Variants in ADGRD1 observed in about 807,000 individuals in gnomAD.
ADGRD1 encodes G-protein coupled receptor 133.
A neutral mutation model predicts 113.4 loss-of-function variants in ADGRD1; 77 were observed. That is an observed-to-expected ratio of 0.68 (90% CI 0.57 to 0.82). The LOEUF (loss-of-function observed/expected upper bound fraction) is 0.82. ADGRD1 is among the 40% of genes least tolerant of loss of function. The probability of loss-of-function intolerance (pLI) is 0.00; values close to 1 mark genes in which losing one functional copy is unlikely to be tolerated. For synonymous variants in ADGRD1, 474 were observed against 475.0 expected, an observed-to-expected ratio of 1.00 and a Z score of 0.03; for missense variants, 1,036 against 1,139.1, an observed-to-expected ratio of 0.91 and a Z score of 1.30.
intron 13 of ADGRD1, among the ~76,000 whole-genome samples, chr12:131,059,168 A>G (rs1566073088): frequency 1.3e-5 from 2 of 151,860 alleles, no homozygotes; most frequent in East Asian, 1.9e-4. Flanking sequence ...TGAGCCATCC[A>G]TTGAGGTGTT....
At chr12:131,005,948 C>A (rs1313760571) in intron 11 of ADGRD1, 24 bp from the exon 12 acceptor site, 3 of 1,600,140 alleles carry the variant, frequency 1.9e-6, no homozygotes, top group African/African-American at 2.7e-5. Context: ...GCTGACAGCG[C>A]CTGCCCCTCT....
At chr12:131,030,749 G>A (rs1034861209) in intron 13 of ADGRD1, 4 of 152,294 alleles carry the variant, frequency 2.6e-5, no homozygotes, top group African/African-American at 4.8e-5. Flanking sequence ...AGTGTGGCGC[G>A]TGACACCTCA....
chr12:130,987,065 CTCAG>C, intron 5 of ADGRD1, 26 bp from the exon 6 acceptor site: 1 of 1,609,112 alleles, frequency 6.2e-7, no homozygotes, highest in Non-Finnish European at 8.5e-7. Context: ...TCCCACAGTA[CTCAG>C]AATGGCGATC....
At chr12:131,094,294 G>A (rs1887128424) in intron 15 of ADGRD1, among the ~76,000 whole-genome samples, 1 of 152,174 alleles carries the variant, frequency 6.6e-6, no homozygotes, top group African/African-American at 2.4e-5. Flanking sequence ...GGGTGGGGTG[G>A]AGCAGGCCTG....
chr12:130,966,108 A>G lies in ADGRD1; in HGVS notation c.104-355A>G, dbSNP rs1195969070. ...TGATTGCATTGATATTAACTCTAAA[A>G]TAATGGTAAATAACAGCGGGATATG... On this transcript the variant is annotated intron_variant, in intron 2 of 24. Coordinates refer to ENST00000261654, the MANE Select transcript of ADGRD1 (RefSeq NM_198827.5). The surrounding 1 kb of genome is among the most constrained non-coding windows in gnomAD (Gnocchi z 4.6). 6.6e-6 allele frequency among the ~76,000 whole-genome samples: 1 copy of G among 152,216 alleles called. No individual in the cohort carries two copies. The highest frequency in any genetic ancestry group is 1.5e-5 in the Non-Finnish European group (1 of 68,042).
chr12:131,066,892 GC>G (rs1884762739), intron 13 of ADGRD1, among the ~76,000 whole-genome samples: 1 of 152,194 alleles, frequency 6.6e-6, no homozygotes, highest in South Asian at 2.1e-4. Flanking sequence ...ATCTTTCCGG[GC>G]CCGGGGGCAA....
intron 21 of ADGRD1, among the ~76,000 whole-genome samples, chr12:131,134,789 G>T (rs1951033719): frequency 6.6e-6 from 1 of 152,070 alleles, no homozygotes; most frequent in Admixed American, 6.5e-5. Context: ...CCGTCCACTT[G>T]TTCATCATTC....
rs768437407 is a variant in ADGRD1 at position 131,004,181 on chromosome 12, C to A, written c.1145-5C>A. 6.3e-7 allele frequency: 1 copy of A among 1,594,916 alleles called. No individual in the cohort carries two copies. Among genetic ancestry groups the A allele is most frequent in the East Asian group, 2.2e-5 (1 of 44,762 alleles). Reference sequence around the variant, plus strand: ...ACTTCCGCTCTCTCGCTCCTTCCACCGCAGAGTTTTCCGTGGCCAAAATCC... The same window carrying A: ...ACTTCCGCTCTCTCGCTCCTTCCACAGCAGAGTTTTCCGTGGCCAAAATCC... On this transcript the variant is annotated splice_region_variant and splice_polypyrimidine_tract_variant and intron_variant, in intron 10 of 24. Coordinates refer to ENST00000261654, the MANE Select transcript of ADGRD1 (RefSeq NM_198827.5).
Position 131,003,249 on chromosome 12 carries a change from A to G in ADGRD1, c.1091A>G (p.Asn364Ser), listed in dbSNP as rs146050435. 243 of 1,614,124 alleles carry G rather than the reference A, an allele frequency of 1.5e-4. No homozygotes were observed. The highest frequency in any genetic ancestry group is 1.9e-4 in the Non-Finnish European group (228 of 1,180,016). ...IDTVMGHVSS[N>S]LHGSTPQVTV... Reference sequence around the variant, plus strand: ...ACCGTCATGGGCCATGTATCCTCCAACCTGCACGGCAGCACGCCCCAGGTC... The same window carrying G: ...ACCGTCATGGGCCATGTATCCTCCAGCCTGCACGGCAGCACGCCCCAGGTC... Residue 364 changes from asparagine to serine, a missense_variant, in exon 10 of 25, where the codon AAC becomes AGC. Physicochemically the swap from Asn to Ser is conservative, Grantham distance 46 (BLOSUM62 1). Coordinates refer to ENST00000261654, the MANE Select transcript of ADGRD1 (RefSeq NM_198827.5). The surrounding 1 kb of genome is among the most constrained non-coding windows in gnomAD (Gnocchi z 4.8).
intron 13 of ADGRD1, among the ~76,000 whole-genome samples, chr12:131,043,197 G>A (rs770795621): frequency 6.6e-6 from 1 of 152,206 alleles, no homozygotes; most frequent in Non-Finnish European, 1.5e-5. Flanking sequence ...TGAGCATGCC[G>A]TGCATTTTCT....
intron 6 of ADGRD1, chr12:130,988,531 AAACCC>A (rs1873973543): frequency 6.6e-6 from 1 of 152,220 alleles, no homozygotes; most frequent in Admixed American, 6.5e-5. Context: ...GCATGACAGA[AAACCC>A]AATTCAAGAT....
intron 4 of ADGRD1, among the ~76,000 whole-genome samples, chr12:130,975,433 A>G (rs1007870829): frequency 6.6e-6 from 1 of 152,188 alleles, no homozygotes; most frequent in African/African-American, 2.4e-5. Context: ...ATCTCCATCC[A>G]GGGTTTGCTG....
chr12:131,131,152 T>A (rs1345073369), intron 20 of ADGRD1, among the ~76,000 whole-genome samples: 5 of 152,028 alleles, frequency 3.3e-5, no homozygotes, highest in African/African-American at 1.2e-4. Flanking sequence ...CCGGGGCCCC[T>A]CAGTGCCCCG....
At chr12:130,991,957 C>A (rs1334766813) in intron 7 of ADGRD1, among the ~76,000 whole-genome samples, 1 of 152,002 alleles carries the variant, frequency 6.6e-6, no homozygotes, top group East Asian at 1.9e-4. Flanking sequence ...CCTGTCTCTA[C>A]TAAAAATACA....
chr12:131,074,196 C>G (rs1885399979), intron 13 of ADGRD1, among the ~76,000 whole-genome samples: 1 of 152,168 alleles, frequency 6.6e-6, no homozygotes, highest in Non-Finnish European at 1.5e-5. Flanking sequence ...CTGGAAAGAT[C>G]ATGATGGTTG....
intron 21 of ADGRD1, 75 bp downstream of exon 21, chr12:131,131,891 AT>A: frequency 2.1e-6 from 2 of 942,098 alleles, no homozygotes; most frequent in African/African-American, 3.2e-5. Context: ...CACAGGAGAG[AT>A]AGCCACTCCT....
chr12:131,062,951 A>C (rs12297369), intron 13 of ADGRD1, among the ~76,000 whole-genome samples: 19,225 of 152,136 alleles, frequency 0.13, 1,498 homozygotes, highest in African/African-American at 0.22. Context: ...TGTTCTCATC[A>C]TGGTCTTAAT....
At chr12:131,036,912 C>T (rs1418144051) in intron 13 of ADGRD1, among the ~76,000 whole-genome samples, 7 of 146,428 alleles carry the variant, frequency 4.8e-5, no homozygotes, top group East Asian at 2.0e-4. Context: ...CACTGAGCCT[C>T]ACTCACTACA....
chr12:131,117,887 G>T (rs1266035879), intron 18 of ADGRD1, among the ~76,000 whole-genome samples: 2 of 152,214 alleles, frequency 1.3e-5, no homozygotes, highest in African/African-American at 4.8e-5. Context: ...ATGGATACTT[G>T]GGCTGGGTGA....
Sources: gnomAD v4.1 joint callset for allele counts (sites outside exome capture counted in the v4.1 genomes callset) on GRCh38, gnomAD v4.1.1 for gene constraint, Gnocchi (gnomAD v3.1) non-coding constraint, MANE v1.5 for transcripts, NCBI Gene and HGNC (gene_info 2026-07-23, HGNC 2026-07-21) for gene names.